Variants in NHSL3 observed in about 807,000 individuals in gnomAD.
NHSL3 encodes the protein NHS-like protein 3.
the NHSL3 span, among the ~76,000 whole-genome samples, chr1:32,761,141 A>G: frequency 6.6e-6 from 1 of 152,136 alleles, no homozygotes; most frequent in Non-Finnish European, 1.5e-5. Context: ...CCTCAGCCCT[A>G]GGCTGCACCT....
At chr1:32,771,379 C>T in the NHSL3 span, 7 of 1,547,564 alleles carry the variant, frequency 4.5e-6, no homozygotes, top group Non-Finnish European at 6.2e-6. Context: ...ACCTTCCCCA[C>T]CCCCATCTTA....
the NHSL3 span, among the ~76,000 whole-genome samples, chr1:32,743,382 G>A: frequency 6.6e-6 from 1 of 152,118 alleles, no homozygotes; most frequent in Non-Finnish European, 1.5e-5. Context: ...TTGGATAAGG[G>A]CCCTGCTTCC....
the NHSL3 span, chr1:32,765,917 A>G: frequency 7.9e-7 from 1 of 1,260,950 alleles, no homozygotes; most frequent in Non-Finnish European, 1.1e-6. Flanking sequence ...AAGGCTGGGC[A>G]AAAGTAATGG....
the NHSL3 span, among the ~76,000 whole-genome samples, chr1:32,756,733 T>TTGA: frequency 1.4e-5 from 2 of 147,452 alleles, no homozygotes; most frequent in Non-Finnish European, 1.5e-5. Context: ...CTTTAGGAGG[T>TTGA]TGAGGTGGGT....
chr1:32,752,452 G>T, the NHSL3 span, among the ~76,000 whole-genome samples: 17 of 152,164 alleles, frequency 1.1e-4, no homozygotes, highest in Non-Finnish European at 2.5e-4. Context: ...GCCTCTAGTT[G>T]GAGAGACAGG....
At chr1:32,754,191 G>T in the NHSL3 span, 2 of 710,322 alleles carry the variant, frequency 2.8e-6, no homozygotes, top group Non-Finnish European at 5.2e-6. Flanking sequence ...GTAGGGGCCG[G>T]GGTGGGGGCG....
chr1:32,762,895 G>C, the NHSL3 span, among the ~76,000 whole-genome samples: 3 of 151,178 alleles, frequency 2.0e-5, no homozygotes, highest in Non-Finnish European at 4.4e-5. Context: ...GCCCGGTCTT[G>C]AACTCTTGAC....
chr1:32,746,269 AAAC>A, the NHSL3 span, among the ~76,000 whole-genome samples: 1 of 152,106 alleles, frequency 6.6e-6, no homozygotes, highest in African/African-American at 2.4e-5. Context: ...AAGTTAAAAA[AAAC>A]AAAAACAAAC....
chr1:32,770,280 G>A, the NHSL3 span: 1 of 1,605,088 alleles, frequency 6.2e-7, no homozygotes, highest in South Asian at 1.1e-5. The surrounding 1 kb of genome is among the most constrained non-coding windows in gnomAD (Gnocchi z 8.3). Context: ...TGGACGTGGT[G>A]GCCCTAGGCC....
chr1:32,751,294 C>A, the NHSL3 span, among the ~76,000 whole-genome samples: 1 of 152,194 alleles, frequency 6.6e-6, no homozygotes, highest in Non-Finnish European at 1.5e-5. Flanking sequence ...ACTGCCTTTG[C>A]AGTGAAAGTA....
At chr1:32,743,852 C>A in the NHSL3 span, among the ~76,000 whole-genome samples, 1 of 152,272 alleles carries the variant, frequency 6.6e-6, no homozygotes, top group African/African-American at 2.4e-5. Context: ...TTTGAGCCCA[C>A]GTGCATGGGT....
chr1:32,770,211 C>T, the NHSL3 span: 2 of 1,604,754 alleles, frequency 1.2e-6, no homozygotes, highest in Non-Finnish European at 8.5e-7. This position sits in a 1 kb window ranked among gnomAD's most constrained non-coding sequence, Gnocchi z 8.3. Flanking sequence ...CCATGTCCAT[C>T]TCCCCCCAGG....
the NHSL3 span, chr1:32,769,571 G>C: frequency 1.1e-6 from 1 of 935,826 alleles, no homozygotes; most frequent in Non-Finnish European, 1.7e-6. Context: ...ACTTGACTGT[G>C]GAAACCATTT....
the NHSL3 span, among the ~76,000 whole-genome samples, chr1:32,763,687 T>G: frequency 1.3e-5 from 2 of 152,298 alleles, no homozygotes; most frequent in South Asian, 2.1e-4. Context: ...TTCTCCTGCC[T>G]CAGCCTCCCG....
chr1:32,770,089 A>G, the NHSL3 span: 1 of 1,556,300 alleles, frequency 6.4e-7, no homozygotes, highest in Admixed American at 1.9e-5. The surrounding 1 kb of genome is among the most constrained non-coding windows in gnomAD (Gnocchi z 8.3). Context: ...CCGGGATGAC[A>G]CCTTTGTTGG....
chr1:32,772,830 C>A, the NHSL3 span: 31 of 1,611,092 alleles, frequency 1.9e-5, no homozygotes, highest in African/African-American at 2.7e-5. Flanking sequence ...AGCCAGGAGG[C>A]CCCTTGCTAA....
At chr1:32,763,460 G>T in the NHSL3 span, among the ~76,000 whole-genome samples, 1 of 152,124 alleles carries the variant, frequency 6.6e-6, no homozygotes, top group African/African-American at 2.4e-5. Flanking sequence ...CTGCCTCAAG[G>T]CCTTTCCACT....
At chr1:32,754,303 G>A in the NHSL3 span, 78 of 577,924 alleles carry the variant, frequency 1.3e-4, no homozygotes, top group Non-Finnish European at 2.5e-4. Flanking sequence ...GAATCCCCGC[G>A]CAGACCCCAC....
the NHSL3 span, among the ~76,000 whole-genome samples, chr1:32,753,088 C>G: frequency 6.6e-6 from 1 of 151,368 alleles, no homozygotes; most frequent in African/African-American, 2.4e-5. Flanking sequence ...CCTGCCTCAG[C>G]CTTCTGAGTA....
Sources: gnomAD v4.1 joint callset for allele counts (sites outside exome capture counted in the v4.1 genomes callset) on GRCh38, gnomAD v4.1.1 for gene constraint, Gnocchi (gnomAD v3.1) non-coding constraint, MANE v1.5 for transcripts, NCBI Gene and HGNC (gene_info 2026-07-23, HGNC 2026-07-21) for gene names.